The following KCNMA1 variants were observed in gnomAD, a reference collection of about 807,000 sequenced individuals.
KCNMA1 encodes the protein Calcium-activated potassium channel subunit alpha-1.
A neutral mutation model predicts 140.0 loss-of-function variants in KCNMA1; 29 were observed. The observed-to-expected ratio is 0.21, with a 90% CI of 0.15 to 0.28. The LOEUF (loss-of-function observed/expected upper bound fraction) is 0.28. Ranked by LOEUF, KCNMA1 falls within the 10% of genes least tolerant of loss-of-function variation. The pLI is 1.00. For missense variants in KCNMA1, 880 were observed against 1,602.2 expected (o/e 0.55, Z 7.70); for synonymous variants, 612 against 611.9 (o/e 1.00, Z 0.00).
intron 7 of KCNMA1, 42 bp downstream of exon 7, chr10:77,112,325 T>C (rs1296610053): frequency 2.1e-6 from 3 of 1,406,628 alleles, no homozygotes; most frequent in African/African-American, 2.8e-5. Context: ...GAGGGTCTTG[T>C]TGCAGGCAAG....
intron 14 of KCNMA1, among the ~76,000 whole-genome samples, chr10:77,043,291 A>G (rs1249398900): frequency 1.3e-5 from 2 of 152,216 alleles, no homozygotes; most frequent in Non-Finnish European, 2.9e-5. Flanking sequence ...TGGATAGTCA[A>G]TATGTTTTTG....
At chr10:77,104,531 T>C (rs763863845) in intron 9 of KCNMA1, among the ~76,000 whole-genome samples, 2 of 152,158 alleles carry the variant, frequency 1.3e-5, no homozygotes, top group South Asian at 4.1e-4. Context: ...CAGGAATCAG[T>C]AGAATAATCC....
intron 23 of KCNMA1, among the ~76,000 whole-genome samples, chr10:76,934,454 T>A (rs893048641): frequency 1.3e-5 from 2 of 152,222 alleles, no homozygotes; most frequent in African/African-American, 4.8e-5. Flanking sequence ...TGTGCTATCT[T>A]CACAGCAGGT....
Position 77,001,387 on chromosome 10 carries a change from T to G in KCNMA1, c.2266+20A>C. ...CAGACAGCACAAACATGGAACTACG[T>G]GTGTTGAGGTTAAACTTACAGGCAC... On this transcript the variant is annotated intron_variant, in intron 19 of 27. Transcript: ENST00000286628. The G allele has an allele frequency of 6.5e-7, 1 of 1,547,828 alleles. No homozygotes were observed. Among genetic ancestry groups the G allele is most frequent in the East Asian group, 2.4e-5 (1 of 40,874 alleles).
chr10:77,374,445 T>C (rs1186228842), intron 2 of KCNMA1, among the ~76,000 whole-genome samples: 3 of 152,258 alleles, frequency 2.0e-5, no homozygotes, highest in Non-Finnish European at 2.9e-5. Flanking sequence ...GGCCTGCTCA[T>C]TTCTTATAAA....
chr10:77,452,128 C>G (rs1350714503), intron 1 of KCNMA1, among the ~76,000 whole-genome samples: 1 of 152,224 alleles, frequency 6.6e-6, no homozygotes, highest in Non-Finnish European at 1.5e-5. Context: ...CCCCGCCCTC[C>G]CACCTGGCCT....
intron 1 of KCNMA1, among the ~76,000 whole-genome samples, chr10:77,448,633 C>G (rs1037014432): frequency 2.6e-5 from 4 of 152,076 alleles, no homozygotes. Context: ...AGAAAGGGCC[C>G]CTTTTTCTTC....
intron 5 of KCNMA1, among the ~76,000 whole-genome samples, chr10:77,143,971 A>G (rs2098236968): frequency 6.6e-6 from 1 of 152,160 alleles, no homozygotes; most frequent in Admixed American, 6.5e-5. Flanking sequence ...ACACGTTGCT[A>G]GTAGAAGTGT....
At chr10:76,914,620 C>T (rs775608234) in intron 24 of KCNMA1, 2 of 357,804 alleles carry the variant, frequency 5.6e-6, no homozygotes, top group African/African-American at 4.2e-5. Context: ...AGAAAGAATC[C>T]GTGAACTAAG....
Position 77,084,815 on chromosome 10 carries a change from TGC to T in KCNMA1, c.1441-98_1441-97del. ...TGTTGACAGCTTCTTGGGGAAGCTT[TGC>T]AAAGAAAAAAAAAAAACAATCCTGA... is the stretch of plus-strand genomic sequence containing the variant. On this transcript the variant is annotated intron_variant, in intron 11 of 27. Coordinates refer to ENST00000286628, the MANE Select transcript of KCNMA1 (RefSeq NM_001161352.2). 6 of 855,570 alleles carry T rather than the reference TGC, an allele frequency of 7.0e-6. No homozygotes were observed. In the Admixed American group the frequency reaches 8.6e-5, roughly 12 times the overall value. The allele number at this position is 855,570 out of a possible 1,614,324, so 53.0% of individuals were successfully genotyped here.
chr10:77,538,669 A>G (rs1037989053), intron 1 of KCNMA1, among the ~76,000 whole-genome samples: 5 of 152,124 alleles, frequency 3.3e-5, no homozygotes, highest in African/African-American at 1.2e-4. Context: ...AGTCCCATCT[A>G]TGATCCATCA....
intron 1 of KCNMA1, chr10:77,636,695 CCT>C (rs2154571967): frequency 1.3e-6 from 2 of 1,528,740 alleles, no homozygotes; most frequent in East Asian, 2.4e-5. Context: ...TCGAAGTCCC[CCT>C]GTTATCTCGG....
At chr10:77,415,661 A>G (rs539018402) in intron 1 of KCNMA1, among the ~76,000 whole-genome samples, 2 of 152,346 alleles carry the variant, frequency 1.3e-5, no homozygotes, top group Admixed American at 6.5e-5. Context: ...GAGGGAGCCC[A>G]TTGCCATCCT....
At chr10:76,946,590 A>C (rs1473389587) in intron 22 of KCNMA1, among the ~76,000 whole-genome samples, 1 of 152,182 alleles carries the variant, frequency 6.6e-6, no homozygotes, top group Non-Finnish European at 1.5e-5. Flanking sequence ...GCTGAGACAC[A>C]ACTAGTTCCA....
At chr10:77,119,842 C>A (rs898900058) in intron 6 of KCNMA1, among the ~76,000 whole-genome samples, 1 of 152,072 alleles carries the variant, frequency 6.6e-6, no homozygotes, top group Non-Finnish European at 1.5e-5. Flanking sequence ...GTGAATTTGA[C>A]CTCACAGTCA....
intron 5 of KCNMA1, among the ~76,000 whole-genome samples, chr10:77,164,986 G>A (rs1383718890): frequency 3.3e-5 from 5 of 152,014 alleles, no homozygotes; most frequent in Non-Finnish European, 5.9e-5. Flanking sequence ...AGAGTCAAAG[G>A]AAATGACAGA....
chr10:77,041,162 T>G (rs1474091410), intron 14 of KCNMA1, among the ~76,000 whole-genome samples: 1 of 342 alleles, frequency 2.9e-3, no homozygotes, highest in Non-Finnish European at 7.8e-3. Flanking sequence ...TTTTTTTTTT[T>G]TTTTTTTTTT....
chr10:77,525,191 T>C (rs113291770), intron 1 of KCNMA1, among the ~76,000 whole-genome samples: 63 of 152,248 alleles, frequency 4.1e-4, no homozygotes, highest in African/African-American at 1.2e-3. Flanking sequence ...TAATTCCATA[T>C]GGATTTATGG....
rs549090485 is a variant in KCNMA1 at position 77,123,684 on chromosome 10, T to C, written c.809-2636A>G. ...AAACCTCAGATAGTGCCAAATCCTA[T>C]ATGCATTATATACACACACCTACGG... On this transcript the variant is annotated intron_variant, in intron 5 of 27. Coordinates refer to ENST00000286628, the MANE Select transcript of KCNMA1 (RefSeq NM_001161352.2). Among the ~76,000 whole-genome samples the C allele has an allele frequency of 1.1e-4, 16 of 152,292 alleles. No individual in the cohort carries two copies. In the East Asian group the frequency reaches 1.7e-3, roughly 17 times the overall value.
Sources: allele counts gnomAD v4.1 joint callset (sites outside exome capture counted in the v4.1 genomes callset), GRCh38; gene constraint gnomAD v4.1.1; transcripts MANE v1.5; gene names NCBI Gene and HGNC (gene_info 2026-07-23, HGNC 2026-07-21).